The following CNTNAP5 variants were observed in gnomAD, a reference collection of about 807,000 sequenced individuals.
CNTNAP5 encodes the protein contactin associated protein family member 5.
A neutral mutation model predicts 150.2 loss-of-function variants in CNTNAP5; 72 were observed. That is an observed-to-expected ratio of 0.48 (90% CI 0.40 to 0.58). The LOEUF (loss-of-function observed/expected upper bound fraction) is 0.58. Ranked by LOEUF, CNTNAP5 falls within the 20% of genes least tolerant of loss-of-function variation. The pLI is 0.00. For missense variants in CNTNAP5, 1,636 were observed against 1,626.2 expected (o/e 1.01, Z -0.10); for synonymous variants, 672 against 619.8 (o/e 1.08, Z -1.25).
chr2:124,429,982 G>A (rs192996496), intron 4 of CNTNAP5, among the ~76,000 whole-genome samples: 57 of 152,280 alleles, frequency 3.7e-4, no homozygotes, highest in African/African-American at 1.3e-3. Flanking sequence ...GGCAAACAGC[G>A]TACATCTGGC....
At chr2:124,438,055 C>A (rs1170295038) in intron 5 of CNTNAP5, among the ~76,000 whole-genome samples, 1 of 152,150 alleles carries the variant, frequency 6.6e-6, no homozygotes, top group Non-Finnish European at 1.5e-5. Flanking sequence ...TACTGTTGTT[C>A]TTCTCTAGTG....
chr2:124,655,935 G>GAT (rs1558722308), intron 13 of CNTNAP5, among the ~76,000 whole-genome samples: 15 of 91,662 alleles, frequency 1.6e-4, no homozygotes, highest in African/African-American at 6.8e-4. Flanking sequence ...GAGAGAGAGA[G>GAT]AGAGAGAGAG....
At chr2:124,329,336 G>A (rs1416659817) in intron 3 of CNTNAP5, among the ~76,000 whole-genome samples, 1 of 152,118 alleles carries the variant, frequency 6.6e-6, no homozygotes, top group Non-Finnish European at 1.5e-5. Context: ...AGACTCTTAC[G>A]AAGCAATTTT....
chr2:124,455,653 GC>G (rs1234344790), intron 6 of CNTNAP5, among the ~76,000 whole-genome samples: 1 of 152,082 alleles, frequency 6.6e-6, no homozygotes, highest in Non-Finnish European at 1.5e-5. Context: ...GAACATAGAT[GC>G]AAAAATCCTT....
intron 21 of CNTNAP5, among the ~76,000 whole-genome samples, chr2:124,876,454 C>CT (rs890957766): frequency 2.6e-5 from 4 of 151,390 alleles, no homozygotes; most frequent in African/African-American, 9.7e-5. Flanking sequence ...TTTGCTCTCC[C>CT]TTTTTTAAGA....
chr2:124,660,943 CAAAAAA>C (rs34511096), intron 13 of CNTNAP5, among the ~76,000 whole-genome samples: 3 of 104,162 alleles, frequency 2.9e-5, no homozygotes, highest in Non-Finnish European at 3.8e-5. Flanking sequence ...GACTGGGTCT[CAAAAAA>C]AAAAAAAAAA....
chr2:124,035,759 G>A (rs1325053631), intron 1 of CNTNAP5, among the ~76,000 whole-genome samples: 1 of 152,068 alleles, frequency 6.6e-6, no homozygotes, highest in South Asian at 2.1e-4. Flanking sequence ...ACCCATAGCA[G>A]AGGGCTGCAT....
chr2:124,484,027 T>C (rs879458213), intron 7 of CNTNAP5, among the ~76,000 whole-genome samples: 1 of 152,216 alleles, frequency 6.6e-6, no homozygotes, highest in Non-Finnish European at 1.5e-5. Context: ...GCTTTTCCAC[T>C]TCCTTTCTTT....
intron 6 of CNTNAP5, among the ~76,000 whole-genome samples, chr2:124,453,362 G>A (rs1026259648): frequency 6.6e-5 from 10 of 151,740 alleles, no homozygotes; most frequent in Admixed American, 1.3e-4. Flanking sequence ...TATGAACAAA[G>A]CATCCAGGAT....
chr2:124,593,139 A>T (rs1019414155), intron 11 of CNTNAP5, among the ~76,000 whole-genome samples: 33 of 146,452 alleles, frequency 2.3e-4, no homozygotes, highest in Middle Eastern at 3.6e-3. Flanking sequence ...TATTATTATT[A>T]TTTTTTTAAT....
chr2:124,146,205 A>G (rs1237533795), intron 1 of CNTNAP5, among the ~76,000 whole-genome samples: 1 of 152,132 alleles, frequency 6.6e-6, no homozygotes, highest in Non-Finnish European at 1.5e-5. Flanking sequence ...GGAAGCTGCC[A>G]CCTCAGCTCA....
chr2:124,716,367 T>A (rs1210424415), intron 13 of CNTNAP5, among the ~76,000 whole-genome samples: 1 of 152,118 alleles, frequency 6.6e-6, no homozygotes, highest in Non-Finnish European at 1.5e-5. Flanking sequence ...TTTCTCAAAA[T>A]GCATGATGAA....
chr2:124,453,083 G>A (rs942396980), intron 6 of CNTNAP5, among the ~76,000 whole-genome samples: 6 of 151,936 alleles, frequency 3.9e-5, no homozygotes, highest in African/African-American at 1.5e-4. Context: ...GCTAATCAGT[G>A]AGATACCAGA....
intron 11 of CNTNAP5, among the ~76,000 whole-genome samples, chr2:124,595,748 G>A (rs200315385): frequency 2.9e-5 from 3 of 102,392 alleles, no homozygotes; most frequent in African/African-American, 1.1e-4. Context: ...GTAGAATTCG[G>A]CTGTGAATCC....
chr2:124,356,281 A>C lies in CNTNAP5; in HGVS notation c.382-61162A>C, dbSNP rs1186263808. ...TTACTTTAGAAATATGCTTTGACAG[A>C]TGTGGATCCATAGAACCTCAACATC... On this transcript the variant is annotated intron_variant, in intron 3 of 23. Coordinates refer to ENST00000682447, the MANE Select transcript of CNTNAP5 (RefSeq NM_001367498.1). Among the ~76,000 whole-genome samples, 3 of 151,678 alleles carry C rather than the reference A, an allele frequency of 2.0e-5. No individual in the cohort carries two copies. In the East Asian group the frequency reaches 5.8e-4, roughly 29 times the overall value.
intron 3 of CNTNAP5, among the ~76,000 whole-genome samples, chr2:124,399,014 C>T (rs2104756300): frequency 6.6e-6 from 1 of 152,226 alleles, no homozygotes; most frequent in East Asian, 1.9e-4. Context: ...TCTCAATTTA[C>T]CAGACAACTT....
At chr2:124,367,875 A>T (rs1279489930) in intron 3 of CNTNAP5, among the ~76,000 whole-genome samples, 1 of 152,222 alleles carries the variant, frequency 6.6e-6, no homozygotes, top group Non-Finnish European at 1.5e-5. Context: ...GAGGACTAGC[A>T]GGTAATTTCT....
At chr2:124,668,588 G>A (rs1678747287) in intron 13 of CNTNAP5, among the ~76,000 whole-genome samples, 1 of 152,242 alleles carries the variant, frequency 6.6e-6, no homozygotes, top group East Asian at 1.9e-4. Flanking sequence ...TTGAGTGCAG[G>A]AATTCTCAAG....
intron 1 of CNTNAP5, among the ~76,000 whole-genome samples, chr2:124,213,322 G>A (rs1238353874): frequency 6.6e-6 from 1 of 152,130 alleles, no homozygotes; most frequent in Non-Finnish European, 1.5e-5. Context: ...TAATGGAAAA[G>A]ACCATTGCAA....
Sources: allele counts gnomAD v4.1 joint callset (sites outside exome capture counted in the v4.1 genomes callset), GRCh38; gene constraint gnomAD v4.1.1; transcripts MANE v1.5; gene names NCBI Gene and HGNC (gene_info 2026-07-23, HGNC 2026-07-21).